CFAP77: variants seen among roughly 807,000 people sequenced by gnomAD.
CFAP77 encodes the protein cilia- and flagella-associated protein 77.
In CFAP77, 25 loss-of-function variants were observed where a neutral mutation model predicts 31.1. The observed-to-expected ratio is 0.80, with a 90% CI of 0.59 to 1.12. CFAP77 has a LOEUF of 1.12. Ranked by LOEUF, CFAP77 falls within the 50% of genes most tolerant of loss-of-function variation. The probability of loss-of-function intolerance (pLI) is 0.00; values close to 1 mark genes in which losing one functional copy is unlikely to be tolerated. For missense variants in CFAP77, 377 were observed against 397.3 expected (o/e 0.95, Z 0.44); for synonymous variants, 151 against 159.9 (o/e 0.94, Z 0.42).
At chr9:132,533,820 G>T (rs142759409) in intron 3 of CFAP77, among the ~76,000 whole-genome samples, 2,790 of 152,252 alleles carry the variant, frequency 0.018, 93 homozygotes, top group African/African-American at 0.064. Flanking sequence ...GGTGGAGGTT[G>T]CAGTGAGCTG....
chr9:132,416,329 A>ATTTTTTT (rs71503303), intron 1 of CFAP77, among the ~76,000 whole-genome samples: 1 of 60,304 alleles, frequency 1.7e-5, no homozygotes, highest in Non-Finnish European at 3.1e-5. Context: ...TTCTTATCTG[A>ATTTTTTT]TTTTTTTTTT....
intron 1 of CFAP77, among the ~76,000 whole-genome samples, chr9:132,462,608 G>A (rs1195452000): frequency 6.6e-6 from 1 of 152,136 alleles, no homozygotes; most frequent in Non-Finnish European, 1.5e-5. Context: ...GAGGTCAGGA[G>A]TTCGAGACCA....
At chr9:132,487,846 T>C (rs2118928730) in intron 1 of CFAP77, among the ~76,000 whole-genome samples, 1 of 152,350 alleles carries the variant, frequency 6.6e-6, no homozygotes, top group South Asian at 2.1e-4. Context: ...TGATTGTTTA[T>C]CTGAGGTTCT....
At chr9:132,420,971 AG>A (rs1198257375) in intron 1 of CFAP77, among the ~76,000 whole-genome samples, 1 of 151,210 alleles carries the variant, frequency 6.6e-6, no homozygotes, top group Admixed American at 6.6e-5. Context: ...AGATGAGGAA[AG>A]CTCTCATAGG....
chr9:132,445,868 C>CAA (rs559749361), intron 1 of CFAP77, among the ~76,000 whole-genome samples: 21 of 64,386 alleles, frequency 3.3e-4, no homozygotes, highest in African/African-American at 8.3e-4. Flanking sequence ...GACTCGATCT[C>CAA]AAAAAAAAAA....
chr9:132,514,223 T>G (rs1476150480), intron 3 of CFAP77, among the ~76,000 whole-genome samples: 1 of 150,326 alleles, frequency 6.7e-6, no homozygotes, highest in African/African-American at 2.5e-5. Flanking sequence ...GGACGCCCCC[T>G]TCCCTGTGTT....
chr9:132,561,136 G>C (rs1176612283), intron 5 of CFAP77, among the ~76,000 whole-genome samples: 1 of 152,114 alleles, frequency 6.6e-6, no homozygotes, highest in African/African-American at 2.4e-5. Context: ...TTCTACCGGA[G>C]CCTCTGACCT....
In CFAP77 at chr9:132,444,722, T is replaced by C. The variant is rs528192409; in HGVS notation, c.195+34256T>C. 6.6e-5 allele frequency among the ~76,000 whole-genome samples: 10 copies of C among 152,306 alleles called. No homozygotes were observed. In the South Asian group the frequency reaches 2.1e-3, roughly 32 times the overall value. ...TTTTGCAGGTTATTGATCTTTTTTC[T>C]TTAAAATTTTTTAAAAAAAATTGTA... is the stretch of plus-strand genomic sequence containing the variant. On this transcript the variant is annotated intron_variant, in intron 1 of 5. Coordinates refer to ENST00000393216, the MANE Select transcript of CFAP77 (RefSeq NM_001282957.2).
At chr9:132,510,699 A>G (rs543911) in intron 3 of CFAP77, among the ~76,000 whole-genome samples, 61,903 of 152,002 alleles carry the variant, frequency 0.41, 13,221 homozygotes, top group African/African-American at 0.53. Context: ...GTGTGGAGGA[A>G]CAGTGAGCTC....
intron 3 of CFAP77, among the ~76,000 whole-genome samples, chr9:132,516,429 C>T (rs924161071): frequency 9.2e-5 from 14 of 152,030 alleles, no homozygotes; most frequent in South Asian, 6.2e-4. Context: ...GGTTTCTTGT[C>T]GGGATGAAAT....
intron 1 of CFAP77, among the ~76,000 whole-genome samples, chr9:132,472,831 GC>G (rs1851282475): frequency 6.6e-6 from 1 of 152,134 alleles, no homozygotes; most frequent in Admixed American, 6.5e-5. Context: ...TGTGTGCCCG[GC>G]TCTGGGAAAG....
At chr9:132,474,261 G>A (rs1411507496) in intron 1 of CFAP77, among the ~76,000 whole-genome samples, 1 of 152,178 alleles carries the variant, frequency 6.6e-6, no homozygotes, top group Non-Finnish European at 1.5e-5. Flanking sequence ...GGAAGAGTGT[G>A]GTTTTCCAAG....
At chr9:132,457,835 T>C (rs1373977572) in intron 1 of CFAP77, among the ~76,000 whole-genome samples, 1 of 152,168 alleles carries the variant, frequency 6.6e-6, no homozygotes, top group Admixed American at 6.5e-5. Context: ...TAAAGACGCG[T>C]GCCTGTGATT....
At chr9:132,540,594 C>T (rs1852623952) in intron 4 of CFAP77, among the ~76,000 whole-genome samples, 1 of 152,294 alleles carries the variant, frequency 6.6e-6, no homozygotes, top group Admixed American at 6.5e-5. Context: ...TTATGTGACA[C>T]ATGAGCCTCT....
At chr9:132,571,371 T>C (rs929958875) in intron 5 of CFAP77, among the ~76,000 whole-genome samples, 1 of 152,274 alleles carries the variant, frequency 6.6e-6, no homozygotes, top group African/African-American at 2.4e-5. Context: ...AGACCCCCTG[T>C]ATGCATCTCT....
At chr9:132,543,318 CAG>C (rs1381321110) in intron 5 of CFAP77, among the ~76,000 whole-genome samples, 1 of 152,262 alleles carries the variant, frequency 6.6e-6, no homozygotes, top group Non-Finnish European at 1.5e-5. Flanking sequence ...TGCGGAGTGG[CAG>C]AGTCTTGGGC....
At chr9:132,514,044 G>A (rs954439555) in intron 3 of CFAP77, among the ~76,000 whole-genome samples, 1 of 127,314 alleles carries the variant, frequency 7.9e-6, no homozygotes, top group African/African-American at 2.8e-5. Flanking sequence ...ACAGTGAGGA[G>A]ATCCCCCCGT....
chr9:132,530,402 AT>A (rs769536834), intron 3 of CFAP77, among the ~76,000 whole-genome samples: 12 of 150,924 alleles, frequency 8.0e-5, no homozygotes, highest in Non-Finnish European at 1.3e-4. Flanking sequence ...CAGCCTCTTG[AT>A]TAGCTGGGAT....
intron 1 of CFAP77, among the ~76,000 whole-genome samples, chr9:132,454,462 A>G (rs188699683): frequency 6.6e-6 from 1 of 152,322 alleles, no homozygotes; most frequent in African/African-American, 2.4e-5. Context: ...TTCTTTCTCC[A>G]TAAAACGTGT....
Sources: gnomAD v4.1 joint callset for allele counts (sites outside exome capture counted in the v4.1 genomes callset) on GRCh38, gnomAD v4.1.1 for gene constraint, MANE v1.5 for transcripts, NCBI Gene and HGNC (gene_info 2026-07-23, HGNC 2026-07-21) for gene names.